The following AUTS2 variants were observed in gnomAD, a reference collection of about 807,000 sequenced individuals.
AUTS2 encodes activator of transcription and developmental regulator AUTS2, also known as autism susceptibility gene 2 protein.
In AUTS2, 17 loss-of-function variants were observed where a neutral mutation model predicts 112.4. The ratio of observed to expected loss-of-function variants is 0.15; its 90% CI spans 0.10 to 0.23. AUTS2 has a LOEUF of 0.23. Among genes scored for constraint, AUTS2 ranks in the 10% least tolerant of loss-of-function variants. The pLI, the probability that AUTS2 is intolerant of heterozygous loss-of-function variation, is 1.00. For missense variants in AUTS2, 1,510 were observed against 1,701.6 expected, an observed-to-expected ratio of 0.89 and a Z score of 1.98; for synonymous variants, 751 against 702.7, an observed-to-expected ratio of 1.07 and a Z score of -1.09.
At chr7:69,983,188 C>T (rs965167060) in intron 2 of AUTS2, among the ~76,000 whole-genome samples, 1 of 152,102 alleles carries the variant, frequency 6.6e-6, no homozygotes, top group Non-Finnish European at 1.5e-5. Flanking sequence ...AACATTTGCC[C>T]TTACTGCATT....
intron 5 of AUTS2, among the ~76,000 whole-genome samples, chr7:70,628,597 C>T (rs1271522891): frequency 6.6e-6 from 1 of 151,716 alleles, no homozygotes; most frequent in Non-Finnish European, 1.5e-5. Flanking sequence ...CCAAAAAATC[C>T]AGTAATCAGA....
chr7:70,514,385 G>T (rs1032659875), intron 5 of AUTS2, among the ~76,000 whole-genome samples: 1 of 152,192 alleles, frequency 6.6e-6, no homozygotes, highest in African/African-American at 2.4e-5. Context: ...TACAAGCATG[G>T]CACCAGCATA....
chr7:70,737,684 GCT>G (rs1450020466), intron 6 of AUTS2, among the ~76,000 whole-genome samples: 2 of 152,054 alleles, frequency 1.3e-5, no homozygotes, highest in African/African-American at 4.8e-5. Flanking sequence ...TTTCTTTACA[GCT>G]CTGTCATTAC....
chr7:69,819,835 C>T (rs1232095537), intron 1 of AUTS2, among the ~76,000 whole-genome samples: 2 of 152,082 alleles, frequency 1.3e-5, no homozygotes, highest in Non-Finnish European at 2.9e-5. Context: ...CCTAAGTGGG[C>T]TCAAGTGATT....
At chr7:69,765,975 T>C (rs1788403971) in intron 1 of AUTS2, among the ~76,000 whole-genome samples, 1 of 152,104 alleles carries the variant, frequency 6.6e-6, no homozygotes, top group Admixed American at 6.6e-5. Context: ...TGTGGTACAA[T>C]ATAAATAACA....
At chr7:69,825,545 T>C (rs189571523) in intron 1 of AUTS2, among the ~76,000 whole-genome samples, 3 of 152,244 alleles carry the variant, frequency 2.0e-5, no homozygotes, top group African/African-American at 7.2e-5. Context: ...GCGGTTGTAT[T>C]TGGGTAGCGG....
At chr7:70,525,017 C>A (rs1799784747) in intron 5 of AUTS2, among the ~76,000 whole-genome samples, 1 of 152,104 alleles carries the variant, frequency 6.6e-6, no homozygotes, top group South Asian at 2.1e-4. Context: ...CCCTCTTGGT[C>A]GGTCCTGCTT....
chr7:70,267,846 G>A (rs912638047), intron 4 of AUTS2, among the ~76,000 whole-genome samples: 5 of 152,116 alleles, frequency 3.3e-5, no homozygotes, highest in African/African-American at 1.2e-4. Context: ...ATTTACAGTT[G>A]ACTAGGCAGG....
At chr7:70,515,356 G>T (rs1438802891) in intron 5 of AUTS2, among the ~76,000 whole-genome samples, 1 of 152,076 alleles carries the variant, frequency 6.6e-6, no homozygotes, top group Non-Finnish European at 1.5e-5. Flanking sequence ...CCTAAACCAT[G>T]ACAGTGACTC....
intron 4 of AUTS2, among the ~76,000 whole-genome samples, chr7:70,390,454 T>C (rs1793801372): frequency 6.6e-6 from 1 of 152,086 alleles, no homozygotes; most frequent in Non-Finnish European, 1.5e-5. Flanking sequence ...CTACCAATGA[T>C]GGATCTGTGG....
At chr7:69,861,591 G>C (rs1250378322) in intron 1 of AUTS2, among the ~76,000 whole-genome samples, 1 of 152,196 alleles carries the variant, frequency 6.6e-6, no homozygotes, top group Non-Finnish European at 1.5e-5. Context: ...GAAATTTTCT[G>C]TTCCCAGTGT....
At chr7:70,041,096 A>G (rs1227456933) in intron 2 of AUTS2, among the ~76,000 whole-genome samples, 1 of 152,218 alleles carries the variant, frequency 6.6e-6, no homozygotes, top group Non-Finnish European at 1.5e-5. Context: ...GTGAAATAAT[A>G]TAAATTAGCT....
intron 5 of AUTS2, among the ~76,000 whole-genome samples, chr7:70,510,694 G>T (rs1430016410): frequency 6.6e-6 from 1 of 151,572 alleles, no homozygotes; most frequent in Admixed American, 6.6e-5. Flanking sequence ...AGACATTAAA[G>T]AAAATTGAAA....
chr7:69,717,554 A>G (rs533010735), intron 1 of AUTS2, among the ~76,000 whole-genome samples: 80 of 152,330 alleles, frequency 5.3e-4, no homozygotes, highest in African/African-American at 1.5e-3. Flanking sequence ...TGCTGTGTAG[A>G]GTATGGAGAC....
intron 4 of AUTS2, among the ~76,000 whole-genome samples, chr7:70,181,596 C>T (rs1809307311): frequency 6.6e-6 from 1 of 151,318 alleles, no homozygotes; most frequent in Admixed American, 6.6e-5. Flanking sequence ...CAAGGATTCT[C>T]CTGCCTCAGC....
chr7:70,187,388 ACC>A, intron 4 of AUTS2, among the ~76,000 whole-genome samples: 1 of 152,330 alleles, frequency 6.6e-6, no homozygotes, highest in South Asian at 2.1e-4. Context: ...TAAGATATAT[ACC>A]TATTAATTAC....
intron 1 of AUTS2, among the ~76,000 whole-genome samples, chr7:69,889,261 T>C (rs1164681168): frequency 2.6e-5 from 4 of 152,230 alleles, no homozygotes; most frequent in African/African-American, 9.6e-5. Flanking sequence ...TGCTAGGAAT[T>C]CTGGCATGAT....
intron 1 of AUTS2, among the ~76,000 whole-genome samples, chr7:69,629,137 C>CT (rs1438148711): frequency 6.6e-6 from 1 of 152,002 alleles, no homozygotes; most frequent in Non-Finnish European, 1.5e-5. Context: ...CCTTTTGCTA[C>CT]TTCAAGCAAG....
At chr7:70,339,545 A>G (rs1353276305) in intron 4 of AUTS2, among the ~76,000 whole-genome samples, 1 of 152,244 alleles carries the variant, frequency 6.6e-6, no homozygotes, top group African/African-American at 2.4e-5. Context: ...TAATGAAAAC[A>G]AAAAGCTAGT....
Sources: gnomAD v4.1 joint callset for allele counts (sites outside exome capture counted in the v4.1 genomes callset) on GRCh38, gnomAD v4.1.1 for gene constraint, MANE v1.5 for transcripts, NCBI Gene and HGNC (gene_info 2026-07-23, HGNC 2026-07-21) for gene names.